Variants in PCDHGB1 observed in about 807,000 individuals in gnomAD.
PCDHGB1 encodes protocadherin gamma-B1.
Under a neutral mutation model 56.6 loss-of-function variants are expected in PCDHGB1, and 34 were observed. That is an observed-to-expected ratio of 0.60 (90% CI 0.46 to 0.80). PCDHGB1 has a LOEUF of 0.80. Ranked by LOEUF, PCDHGB1 falls within the 30% of genes least tolerant of loss-of-function variation. The pLI, the probability that PCDHGB1 is intolerant of heterozygous loss-of-function variation, is 0.00. For missense variants in PCDHGB1, 1,278 were observed against 1,204.6 expected, an observed-to-expected ratio of 1.06 and a Z score of -0.90; for synonymous variants, 561 against 505.9, an observed-to-expected ratio of 1.11 and a Z score of -1.46.
At chr5:141,370,453 T>G in intron 1 of PCDHGB1, 1 of 1,611,650 alleles carries the variant, frequency 6.2e-7, no homozygotes, top group Non-Finnish European at 8.5e-7. Flanking sequence ...CTATTTCTCT[T>G]CCTGCTCTCT....
Position 141,455,633 on chromosome 5 carries a change from G to A in PCDHGB1, c.2410-39174G>A, listed in dbSNP as rs1049071525. On this transcript the variant is annotated intron_variant, in intron 1 of 3. Coordinates refer to ENST00000523390, the MANE Select transcript of PCDHGB1 (RefSeq NM_018922.3). ...ATGTTCTAAACACGTGGAGATATGT[G>A]GGGGGCAGCCATGTGGCCAGGAACT... Among the ~76,000 whole-genome samples, 19 of 152,198 alleles carry A rather than the reference G, an allele frequency of 1.2e-4. No homozygotes were observed. In the East Asian group the frequency reaches 3.1e-3, roughly 25 times the overall value.
intron 1 of PCDHGB1, chr5:141,399,057 A>C (rs747872462): frequency 6.2e-7 from 1 of 1,613,840 alleles, no homozygotes; most frequent in Admixed American, 1.7e-5. Context: ...AGACCAAGGA[A>C]TATTCAATGG....
intron 1 of PCDHGB1, among the ~76,000 whole-genome samples, chr5:141,481,556 G>T (rs553126587): frequency 6.6e-6 from 1 of 152,148 alleles, no homozygotes; most frequent in African/African-American, 2.4e-5. Flanking sequence ...AGTGGCTCAC[G>T]CCTGTAATCC....
rs752131601 is a variant in PCDHGB1, at chr5:141,352,188, G to T, written c.1928G>T (p.Arg643Leu). 1.9e-6 allele frequency: 3 copies of T among 1,613,874 alleles called. No homozygotes were observed. The highest frequency in any genetic ancestry group is 1.7e-6 in the Non-Finnish European group (2 of 1,179,886). Residue 643 changes from arginine to leucine, a missense_variant, in exon 1 of 4, where the codon CGT becomes CTT. Transcript: ENST00000523390. Reference protein sequence around the residue: ...AARQRLLVAVRDGGQPPLSAT... With the variant: ...AARQRLLVAVLDGGQPPLSAT... ...CGCCAGCGCCTGCTGGTCGCTGTGCGTGATGGAGGACAGCCGCCACTCTCC... is the reference window on the plus strand; with the variant it reads ...CGCCAGCGCCTGCTGGTCGCTGTGCTTGATGGAGGACAGCCGCCACTCTCC...
Position 141,351,366 on chromosome 5 carries a change from A to G in PCDHGB1, c.1106A>G (p.Asp369Gly), listed in dbSNP as rs773042638. ...GTAATAGCCCTCATAAAAGTGCGAG[A>G]CAAGGATTCTGGGCAAAATGGCATG... Reference protein sequence around the residue: ...GTVIALIKVRDKDSGQNGMVT... With the variant: ...GTVIALIKVRGKDSGQNGMVT... The change falls in exon 1 of 4, where the codon GAC becomes GGC. Residue 369 changes from aspartate (D) to glycine (G), a missense_variant. Transcript: ENST00000523390. 2 of 1,613,000 alleles carry G rather than the reference A, an allele frequency of 1.2e-6. No homozygotes were observed. Among genetic ancestry groups the G allele is most frequent in the South Asian group, 2.2e-5 (2 of 90,926 alleles).
intron 1 of PCDHGB1, among the ~76,000 whole-genome samples, chr5:141,494,338 ACAG>A (rs2099753688): frequency 6.6e-6 from 1 of 152,224 alleles, no homozygotes; most frequent in African/African-American, 2.4e-5. Flanking sequence ...GTTACCAAGA[ACAG>A]CAGCCATCTT....
At chr5:141,366,221 G>T (rs774963460) in intron 1 of PCDHGB1, 4 of 1,613,716 alleles carry the variant, frequency 2.5e-6, no homozygotes, top group African/African-American at 2.7e-5. Context: ...CACAGCGCGA[G>T]CCCTGCTGGA....
rs112657435 is a variant in PCDHGB1, at chr5:141,360,032, T to C, written c.2409+7363T>C. 2,408 of 1,390,562 alleles carry C rather than the reference T, an allele frequency of 1.7e-3. 36 individuals carry two copies. In the African/African-American group the frequency reaches 0.032, roughly 18 times the overall value. The allele number at this position is 1,390,562 out of a possible 1,614,324, so 86.1% of individuals were successfully genotyped here. A position where few individuals can be genotyped will look rare whatever the true frequency, so the allele number is the denominator to read the frequency against. On this transcript the variant is annotated intron_variant, in intron 1 of 3. Coordinates refer to ENST00000523390, the MANE Select transcript of PCDHGB1 (RefSeq NM_018922.3). ...CCACACAGAGAAGGCCAGTATAGAT[T>C]CGGAAACAGAAAACAAAAGCAGGAA...
At chr5:141,459,845 T>C (rs914128032) in intron 1 of PCDHGB1, among the ~76,000 whole-genome samples, 1 of 152,232 alleles carries the variant, frequency 6.6e-6, no homozygotes, top group Admixed American at 6.5e-5. Flanking sequence ...TCTATTTGTA[T>C]ATCTTCTTGA....
rs1407225048 is a variant in PCDHGB1 at position 141,489,600 on chromosome 5, G to T, written c.2410-5207G>T. On this transcript the variant is annotated intron_variant, in intron 1 of 3. Coordinates refer to ENST00000523390, the MANE Select transcript of PCDHGB1 (RefSeq NM_018922.3). The surrounding 1 kb of genome is among the most constrained non-coding windows in gnomAD (Gnocchi z 4.5). ...ACCCCCTGGAGCTAATCCGTGTAGA[G>T]GTAGAGATCCTGGATCTCAATGACA... The T allele has an allele frequency of 7.4e-6, 12 of 1,613,916 alleles. 1 individual carries two copies. In the South Asian group the frequency reaches 1.2e-4, roughly 16 times the overall value.
At chr5:141,427,970 C>G in intron 1 of PCDHGB1, 1 of 1,592,510 alleles carries the variant, frequency 6.3e-7, no homozygotes. Context: ...GGGTGCTGTA[C>G]CCCGCGCTGG....
chr5:141,360,379 GGAGACTTACTTGTGAGTGACA>G (rs761769972), intron 1 of PCDHGB1: 9 of 1,613,760 alleles, frequency 5.6e-6, no homozygotes, highest in Non-Finnish European at 7.6e-6. Flanking sequence ...CCCAGAAAGC[GGAGACTTACTTGTGAGTGACA>G]GAATAGACCG....
At chr5:141,484,061 G>A (rs570687480) in intron 1 of PCDHGB1, among the ~76,000 whole-genome samples, 8 of 152,124 alleles carry the variant, frequency 5.3e-5, no homozygotes, top group Non-Finnish European at 1.0e-4. Context: ...CTGGGGCTAA[G>A]TGAAAAGCTT....
At chr5:141,387,608 G>C (rs562428819) in intron 1 of PCDHGB1, 221 of 551,402 alleles carry the variant, frequency 4.0e-4, no homozygotes, top group Non-Finnish European at 6.6e-4. Context: ...AGAGGCTGTA[G>C]TTTCCTAGTG....
At chr5:141,356,483 GAACTCCTC>G in intron 1 of PCDHGB1, 1 of 1,613,938 alleles carries the variant, frequency 6.2e-7, no homozygotes, top group Non-Finnish European at 8.5e-7. Flanking sequence ...ACTGACCAGG[GAACTCCTC>G]CACTGTCTAC....
chr5:141,375,766 G>T (rs754916018), intron 1 of PCDHGB1: 5 of 1,614,270 alleles, frequency 3.1e-6, no homozygotes, highest in Non-Finnish European at 4.2e-6. Flanking sequence ...ATGCGCCCGA[G>T]ATCCTGTACC....
chr5:141,389,660 G>A (rs1302432237), intron 1 of PCDHGB1: 4 of 1,612,338 alleles, frequency 2.5e-6, no homozygotes, highest in African/African-American at 2.7e-5. Flanking sequence ...TAGTGGCGGT[G>A]GACGCAGACT....
chr5:141,350,383 C>A lies in PCDHGB1; in HGVS notation c.123C>A (p.Asn41Lys), dbSNP rs1216895022. Residue 41 changes from asparagine to lysine, a missense_variant, in exon 1 of 4, where the codon AAC becomes AAA. Transcript: ENST00000523390. The part of the protein sequence containing the change: ...IRYTIPEELA[N>K]GSRVGKLAKD... Reference sequence around the variant, plus strand: ...ACACGATTCCAGAGGAGCTAGCCAACGGCTCACGGGTGGGGAAACTTGCCA... The same window carrying A: ...ACACGATTCCAGAGGAGCTAGCCAAAGGCTCACGGGTGGGGAAACTTGCCA... 6.3e-7 allele frequency: 1 copy of A among 1,590,102 alleles called. No individual in the cohort carries two copies. Among genetic ancestry groups the A allele is most frequent in the African/African-American group, 1.3e-5 (1 of 74,156 alleles).
rs757065593 is a variant in PCDHGB1, at chr5:141,418,576, C to G, written c.2409+65907C>G. 1.5e-5 allele frequency: 25 copies of G among 1,614,012 alleles called. No homozygotes were observed. In the South Asian group the frequency reaches 2.7e-4, roughly 18 times the overall value. On this transcript the variant is annotated intron_variant, in intron 1 of 3. Transcript: ENST00000523390. ...TGGTAATAGATGCCAATGACAACCCCCCAGTGTTCAGCCAGGACGTGTACA... is the reference window on the plus strand; with the variant it reads ...TGGTAATAGATGCCAATGACAACCCGCCAGTGTTCAGCCAGGACGTGTACA...
Sources: gnomAD v4.1 joint callset for allele counts (sites outside exome capture counted in the v4.1 genomes callset) on GRCh38, gnomAD v4.1.1 for gene constraint, Gnocchi (gnomAD v3.1) non-coding constraint, MANE v1.5 for transcripts, NCBI Gene and HGNC (gene_info 2026-07-23, HGNC 2026-07-21) for gene names.